PTPRU: variants seen among roughly 807,000 people sequenced by gnomAD.
PTPRU encodes protein tyrosine phosphatase receptor type U, also known as receptor-type tyrosine-protein phosphatase U.
A neutral mutation model predicts 166.3 loss-of-function variants in PTPRU; 69 were observed. The ratio of observed to expected loss-of-function variants is 0.41; its 90% CI spans 0.34 to 0.51. The LOEUF (loss-of-function observed/expected upper bound fraction) is 0.51. PTPRU is among the 20% of genes least tolerant of loss of function. The pLI is 0.09. For synonymous variants in PTPRU, 793 were observed against 814.0 expected (o/e 0.97, Z 0.44); for missense variants, 1,657 against 2,013.7 (o/e 0.82, Z 3.39).
rs888493044 is a variant in PTPRU at position 29,280,633 on chromosome 1, G to T, written c.1868+492G>T. 6.6e-6 allele frequency among the ~76,000 whole-genome samples: 1 copy of T among 150,412 alleles called. No individual in the cohort carries two copies. The highest frequency in any genetic ancestry group is 1.5e-5 in the Non-Finnish European group (1 of 67,842). Reference sequence around the variant, plus strand: ...TGGTGGCTGCCTCTGCTGGGGAGAGGGTGCTGGAGACAAGACTGTGTGTGT... The same window carrying T: ...TGGTGGCTGCCTCTGCTGGGGAGAGTGTGCTGGAGACAAGACTGTGTGTGT... On this transcript the variant is annotated intron_variant, in intron 11 of 29. Transcript: ENST00000373779. The surrounding 1 kb of genome is among the most constrained non-coding windows in gnomAD (Gnocchi z 4.2).
rs1312147219 is a variant in PTPRU at position 29,259,850 on chromosome 1, C to G, written c.676-20C>G. 6.6e-7 allele frequency: 1 copy of G among 1,524,740 alleles called. No individual in the cohort carries two copies. Among genetic ancestry groups the G allele is most frequent in the African/African-American group, 1.4e-5 (1 of 72,724 alleles). 94.5% of individuals were successfully genotyped at this position (1,524,740 alleles called of 1,614,324 possible). A position where few individuals can be genotyped will look rare whatever the true frequency, so the allele number is the denominator to read the frequency against. ...CCTCGCTCCGAGGCGCCCCTGACCCCCTCACTCTCTTCCCTGCAGCGGCAG... is the reference window on the plus strand; with the variant it reads ...CCTCGCTCCGAGGCGCCCCTGACCCGCTCACTCTCTTCCCTGCAGCGGCAG... On this transcript the variant is annotated intron_variant, in intron 5 of 29. Coordinates refer to ENST00000373779, the MANE Select transcript of PTPRU (RefSeq NM_133178.4).
chr1:29,239,524 G>A (rs146871045), intron 1 of PTPRU, among the ~76,000 whole-genome samples: 76 of 152,258 alleles, frequency 5.0e-4, no homozygotes, highest in African/African-American at 1.8e-3. Context: ...TGGACAGCCT[G>A]CTGCCCAGCT....
rs181951900 is a variant in PTPRU, at chr1:29,241,681, G to A, written c.73+4964G>A. ...GTGATCTTGGCTCATTGCAACCTCC[G>A]CCTCCCGGGTTCAAGTGATTCTCCT... On this transcript the variant is annotated intron_variant, in intron 1 of 29. Transcript: ENST00000373779. Among the ~76,000 whole-genome samples, 14 of 150,728 alleles carry A rather than the reference G, an allele frequency of 9.3e-5. 1 individual carries two copies. In the East Asian group the frequency reaches 1.2e-3, roughly 13 times the overall value.
chr1:29,296,633 T>A (rs1325115742), intron 15 of PTPRU, among the ~76,000 whole-genome samples: 1 of 151,466 alleles, frequency 6.6e-6, no homozygotes, highest in Non-Finnish European at 1.5e-5. Flanking sequence ...CTCAGCCTCC[T>A]GAATAGCTGG....
intron 8 of PTPRU, among the ~76,000 whole-genome samples, chr1:29,278,597 G>A (rs773420439): frequency 6.6e-6 from 1 of 151,982 alleles, no homozygotes; most frequent in Non-Finnish European, 1.5e-5. Flanking sequence ...AGAAAATATC[G>A]CCACCCATAA....
In PTPRU at chr1:29,280,151, C is replaced by T. The variant is rs190340546; in HGVS notation, c.1868+10C>T. The T allele has an allele frequency of 4.1e-5, 65 of 1,602,292 alleles. No homozygotes were observed. Among genetic ancestry groups the T allele is most frequent in the African/African-American group, 1.1e-4 (8 of 74,784 alleles). On this transcript the variant is annotated intron_variant, in intron 11 of 29. Coordinates refer to ENST00000373779, the MANE Select transcript of PTPRU (RefSeq NM_133178.4). The surrounding 1 kb of genome is among the most constrained non-coding windows in gnomAD (Gnocchi z 4.2). The stretch of plus-strand genomic sequence containing the variant: ...GCGGTGCGCCCATCAGGTGGGAAAG[C>T]GGGGACGGAGGGGTGGGAGTCCAGG...
At chr1:29,292,126 C>A in intron 15 of PTPRU, 100 bp downstream of exon 15, 14 of 1,411,290 alleles carry the variant, frequency 9.9e-6, no homozygotes, top group Non-Finnish European at 1.3e-5. Context: ...CACCTGCAAC[C>A]AAAAGTGAAG....
Position 29,279,648 on chromosome 1 carries a change from A to G in PTPRU, c.1756A>G (p.Asn586Asp). 2 of 1,611,478 alleles carry G rather than the reference A, an allele frequency of 1.2e-6. No homozygotes were observed. The highest frequency in any genetic ancestry group is 8.5e-7 in the Non-Finnish European group (1 of 1,179,958). ...GQAALTEITT[N>D]ISAPSFDYAD... is the part of the protein sequence containing the mutation. ...GGCGGCACTCACTGAGATAACCACTAACATCTCTGGTGAGCCCCACCTGAC... is the reference window on the plus strand; with the variant it reads ...GGCGGCACTCACTGAGATAACCACTGACATCTCTGGTGAGCCCCACCTGAC... The change falls in exon 10 of 30, where the codon AAC (asparagine) becomes GAC (aspartate). Residue 586 changes from asparagine to aspartate, a missense_variant. Around this residue, in one of 3 missense-constraint regions of PTPRU, gnomAD observed 1,190 missense variants for 1,477.4 expected, o/e 0.81. Transcript: ENST00000373779. The surrounding 1 kb of genome is among the most constrained non-coding windows in gnomAD (Gnocchi z 5.2).
At chr1:29,283,865 C>G in intron 12 of PTPRU, 75 bp from the exon 13 acceptor site, 1 of 1,558,446 alleles carries the variant, frequency 6.4e-7, no homozygotes, top group Non-Finnish European at 8.8e-7. Context: ...CCAAGAAACG[C>G]TGTCTGAGGT....
chr1:29,293,167 G>A (rs1209941353), intron 15 of PTPRU, among the ~76,000 whole-genome samples: 3 of 152,106 alleles, frequency 2.0e-5, no homozygotes, highest in Non-Finnish European at 4.4e-5. Flanking sequence ...TTTAGTAGAT[G>A]GGGTTTCACC....
In PTPRU at chr1:29,317,767, C is replaced by T. The variant is rs201987768; in HGVS notation, c.3533C>T (p.Pro1178Leu). 610 of 1,610,482 alleles carry T rather than the reference C, an allele frequency of 3.8e-4. 1 individual carries two copies. Among genetic ancestry groups the T allele is most frequent in the Middle Eastern group, 1.2e-3 (7 of 6,062 alleles). The change falls in exon 25 of 30, where the codon CCG becomes CTG. Residue 1178 changes from proline (P) to leucine (L), a missense_variant. Transcript: ENST00000373779. This position sits in a 1 kb window ranked among gnomAD's most constrained non-coding sequence, Gnocchi z 5.6. ...EEFQTLNSVT[P>L]PLDVEECSIA... is the part of the protein sequence containing the mutation. ...CTGTAGACGCTGAACTCGGTCACCC[C>T]GCCGCTGGACGTGGAGGAGTGCAGC...
Position 29,317,731 on chromosome 1 carries a change from AC to A in PTPRU, c.3514-12del. 6.3e-7 allele frequency: 1 copy of A among 1,591,672 alleles called. No individual in the cohort carries two copies. ...GCCCTGGACGTAACTCTCTGTCCCCACCCCCGCTCCCTGTAGACGCTGAACT... is the reference window on the plus strand; with the variant it reads ...GCCCTGGACGTAACTCTCTGTCCCCACCCCGCTCCCTGTAGACGCTGAACT... On this transcript the variant is annotated splice_polypyrimidine_tract_variant and intron_variant, in intron 24 of 29. Transcript: ENST00000373779. The surrounding 1 kb of genome is among the most constrained non-coding windows in gnomAD (Gnocchi z 5.6).
chr1:29,275,899 TC>T (rs1685785611), intron 8 of PTPRU, 143 bp downstream of exon 8: 1 of 909,844 alleles, frequency 1.1e-6, no homozygotes, highest in African/African-American at 1.7e-5. Flanking sequence ...TAGTGATAGC[TC>T]CTATTTTTTC....
chr1:29,307,687 T>A (rs1476633715), intron 18 of PTPRU, among the ~76,000 whole-genome samples: 4 of 152,158 alleles, frequency 2.6e-5, no homozygotes, highest in Non-Finnish European at 5.9e-5. Flanking sequence ...ACCCTCAATT[T>A]AGCCTTAATT....
intron 1 of PTPRU, among the ~76,000 whole-genome samples, chr1:29,242,560 C>T (rs1684105556): frequency 6.6e-6 from 1 of 152,146 alleles, no homozygotes; most frequent in East Asian, 1.9e-4. Flanking sequence ...AAATTCAATC[C>T]CTCAGTTGCA....
Position 29,279,153 on chromosome 1 carries a change from C to T in PTPRU, c.1563+32C>T, listed in dbSNP as rs556061908. On this transcript the variant is annotated intron_variant, in intron 9 of 29. Coordinates refer to ENST00000373779, the MANE Select transcript of PTPRU (RefSeq NM_133178.4). This position sits in a 1 kb window ranked among gnomAD's most constrained non-coding sequence, Gnocchi z 5.2. ...TTGGGACCCTATTACAGTGGGGGAC[C>T]CTGGTGGAAGGTGAGAGGTGGCCCT... is the stretch of plus-strand genomic sequence containing the variant. 2.8e-5 allele frequency: 43 copies of T among 1,508,894 alleles called. 1 individual carries two copies. In the South Asian group the frequency reaches 4.9e-4, roughly 17 times the overall value. 93.5% of individuals were successfully genotyped at this position (1,508,894 alleles called of 1,614,324 possible). A position where few individuals can be genotyped will look rare whatever the true frequency, so the allele number is the denominator to read the frequency against.
intron 28 of PTPRU, 152 bp downstream of exon 28, chr1:29,323,940 C>T (rs1040856597): frequency 7.7e-6 from 8 of 1,040,416 alleles, no homozygotes; most frequent in Non-Finnish European, 8.1e-6. Flanking sequence ...GCTGCCCAAC[C>T]AGCCAAGGCT....
At chr1:29,246,347 T>C (rs777073148) in intron 1 of PTPRU, among the ~76,000 whole-genome samples, 19 of 152,250 alleles carry the variant, frequency 1.2e-4, no homozygotes, top group Admixed American at 5.2e-4. Flanking sequence ...CATCTTTGCA[T>C]TGAGTGTCCT....
At position 29,325,231 on chromosome 1, in the gene PTPRU, A is replaced by G. The variant is rs1574741174; in HGVS notation, c.4153A>G (p.Thr1385Ala). ...CAGCGGCACCTTCTGCGCCTGCGCC[A>G]CGGTCCTGGAGATGATCCGCTGCCA... is the stretch of plus-strand genomic sequence containing the variant. ...GRSGTFCACA[T>A]VLEMIRCHNL... The change falls in exon 29 of 30, where the codon ACG (threonine) becomes GCG (alanine). Residue 1385 changes from threonine (T) to alanine (A), a missense_variant. Transcript: ENST00000373779. The G allele has an allele frequency of 1.2e-6, 2 of 1,613,980 alleles. No homozygotes were observed. The highest frequency in any genetic ancestry group is 1.7e-6 in the Non-Finnish European group (2 of 1,180,030).
Sources: allele counts gnomAD v4.1 joint callset (sites outside exome capture counted in the v4.1 genomes callset), GRCh38; gene constraint gnomAD v4.1.1; regional missense constraint gnomAD v4.1.1; non-coding constraint Gnocchi (gnomAD v3.1); transcripts MANE v1.5; gene names NCBI Gene and HGNC (gene_info 2026-07-23, HGNC 2026-07-21).